Variants in NIFK observed in about 807,000 individuals in gnomAD.
The protein encoded by NIFK is MKI67 FHA domain-interacting nucleolar phosphoprotein.
Under a neutral mutation model 31.7 loss-of-function variants are expected in NIFK, and 16 were observed. The ratio of observed to expected loss-of-function variants is 0.50; its 90% confidence interval spans 0.34 to 0.77. The LOEUF (loss-of-function observed/expected upper bound fraction) is 0.77. NIFK is among the 30% of genes least tolerant of loss of function. The pLI, the probability that NIFK is intolerant of heterozygous loss-of-function variation, is 0.01. For missense variants in NIFK, 341 were observed against 350.4 expected (o/e 0.97, Z 0.21); for synonymous variants, 126 against 123.0 (o/e 1.02, Z -0.16).
intron 3 of NIFK, chr2:121,731,315 G>T: frequency 1.9e-6 from 1 of 523,684 alleles, no homozygotes; most frequent in Non-Finnish European, 3.4e-6. Flanking sequence ...ACGGCCACAT[G>T]CCACCATGGG....
Position 121,732,254 on chromosome 2 carries a change from G to A in NIFK, c.244-50C>T, listed in dbSNP as rs540626669. On this transcript the variant is annotated intron_variant, in intron 2 of 6. Coordinates refer to ENST00000285814, the MANE Select transcript of NIFK (RefSeq NM_032390.5). ...AAGTAGAACAATTAAATTTGAATGC[G>A]TCATCAAATTCCTAAAATGCCATTA... 5.2e-5 allele frequency: 55 copies of A among 1,066,894 alleles called. No individual in the cohort carries two copies. The African/African-American group carries it at 5.3e-4, about 10-fold the overall frequency. The allele number at this position is 1,066,894 out of a possible 1,614,324, so 66.1% of individuals were successfully genotyped here.
In NIFK at chr2:121,727,472, T is replaced by A; in HGVS notation, c.*252A>T. On this transcript the variant is annotated 3_prime_UTR_variant, in exon 7 of 7. Transcript: ENST00000285814. ...GAGTAAACTAAGGAGAGCTATGAAA[T>A]ATCAAAAGAAAACTAGAGGCCAGGA... is the stretch of plus-strand genomic sequence containing the variant. 1.6e-6 allele frequency: 1 copy of A among 641,948 alleles called. No homozygotes were observed. 39.8% of individuals were successfully genotyped at this position (641,948 alleles called of 1,614,324 possible).
intron 5 of NIFK, 40 bp downstream of exon 5, chr2:121,728,437 C>T: frequency 6.7e-7 from 1 of 1,491,460 alleles, no homozygotes; most frequent in East Asian, 2.3e-5. Context: ...ACTTATCCTT[C>T]TCTAATATCT....
In NIFK at chr2:121,736,869, TA is replaced by T. The variant is rs769694575; in HGVS notation, c.-20del. 8 of 1,601,300 alleles carry T rather than the reference TA, an allele frequency of 5.0e-6. No individual in the cohort carries two copies. The Admixed American group carries it at 1.3e-4, about 27-fold the overall frequency. On this transcript the variant is annotated 5_prime_UTR_variant, in exon 1 of 7. Coordinates refer to ENST00000285814, the MANE Select transcript of NIFK (RefSeq NM_032390.5). ...TCGCCATGCCAAAAGCCGCCGACGC[TA>T]ACCACGCGGCGCTCCCGGAAACGTC... is the stretch of plus-strand genomic sequence containing the variant.
intron 4 of NIFK, among the ~76,000 whole-genome samples, chr2:121,729,988 G>T (rs1221761420): frequency 1.3e-5 from 2 of 152,320 alleles, no homozygotes; most frequent in East Asian, 3.9e-4. Flanking sequence ...TGAGGTGGAT[G>T]GATCACCTGA....
intron 3 of NIFK, 127 bp downstream of exon 3, chr2:121,731,969 A>C: frequency 1.6e-6 from 1 of 641,358 alleles, no homozygotes; most frequent in Non-Finnish European, 2.8e-6. Context: ...TCCTTGCACC[A>C]TTCTGTAAGA....
chr2:121,734,615 AC>A (rs2074566517), intron 2 of NIFK, among the ~76,000 whole-genome samples: 1 of 151,976 alleles, frequency 6.6e-6, no homozygotes, highest in Non-Finnish European at 1.5e-5. Flanking sequence ...ACATAGTGAA[AC>A]CCCGTCTCTA....
intron 1 of NIFK, among the ~76,000 whole-genome samples, chr2:121,736,244 A>G (rs1297844398): frequency 1.3e-5 from 2 of 152,244 alleles, no homozygotes; most frequent in African/African-American, 4.8e-5. Context: ...AGAAAGTATA[A>G]GCGATGTCAG....
Position 121,731,036 on chromosome 2 carries a change from G to C in NIFK, c.421C>G (p.Pro141Ala). 2 of 1,612,738 alleles carry C rather than the reference G, an allele frequency of 1.2e-6. No individual in the cohort carries two copies. The highest frequency in any genetic ancestry group is 1.7e-6 in the Non-Finnish European group (2 of 1,178,874). ...TACCGTTTCACTGATGGATATGATG[G>C]CTGCTTAAATGGAATATTCCAGTCT... Reference protein sequence around the residue: ...FKDWNIPFKQPSYPSVKRYNR... With the variant: ...FKDWNIPFKQASYPSVKRYNR... Residue 141 changes from proline (P) to alanine (A), a missense_variant, in exon 4 of 7, where the codon CCA becomes GCA. Pro to Ala is a conservative substitution (Grantham distance 27, BLOSUM62 -1). Coordinates refer to ENST00000285814, the MANE Select transcript of NIFK (RefSeq NM_032390.5).
At chr2:121,730,800 G>T in intron 4 of NIFK, 93 bp downstream of exon 4, 1 of 817,798 alleles carries the variant, frequency 1.2e-6, no homozygotes, top group Non-Finnish European at 2.1e-6. Flanking sequence ...AGTCAAGATT[G>T]TGGTAAGTGC....
intron 2 of NIFK, among the ~76,000 whole-genome samples, chr2:121,735,086 T>C (rs1477905473): frequency 2.6e-5 from 4 of 152,184 alleles, no homozygotes; most frequent in Non-Finnish European, 1.5e-5. Context: ...CAAATAGTAA[T>C]TATACTTATA....
At position 121,736,874 on chromosome 2, in the gene NIFK, A is replaced by C. The variant is rs761186774; in HGVS notation, c.-24T>G. 6.3e-7 allele frequency: 1 copy of C among 1,591,542 alleles called. No homozygotes were observed. On this transcript the variant is annotated 5_prime_UTR_variant, in exon 1 of 7. Transcript: ENST00000285814. Reference sequence around the variant, plus strand: ...ATGCCAAAAGCCGCCGACGCTAACCACGCGGCGCTCCCGGAAACGTCGGGC... The same window carrying C: ...ATGCCAAAAGCCGCCGACGCTAACCCCGCGGCGCTCCCGGAAACGTCGGGC...
rs980666996 is a variant in NIFK at position 121,733,370 on chromosome 2, C to T, written c.244-1166G>A. 6.4e-4 allele frequency among the ~76,000 whole-genome samples: 98 copies of T among 152,076 alleles called. 1 individual carries two copies. The highest frequency in any genetic ancestry group is 6.2e-3 in the Admixed American group (94 of 15,264). ...TCTCTACTAAAAATACAAAAATTAG[C>T]TGGGTGTGGTGGTGCACGCCTATAA... is the stretch of plus-strand genomic sequence containing the variant. On this transcript the variant is annotated intron_variant, in intron 2 of 6. Coordinates refer to ENST00000285814, the MANE Select transcript of NIFK (RefSeq NM_032390.5).
chr2:121,727,610 T>C lies in NIFK; in HGVS notation c.*114A>G, dbSNP rs189357359. On this transcript the variant is annotated 3_prime_UTR_variant, in exon 7 of 7. Transcript: ENST00000285814. ...CTTTCCTTAACTTGACCAAACAGTG[T>C]ATTTTTCCTCTGAAAATCTTGTCAA... 1 of 892,492 alleles carries C rather than the reference T, an allele frequency of 1.1e-6. No homozygotes were observed. The highest frequency in any genetic ancestry group is 1.8e-6 in the Non-Finnish European group (1 of 562,158). The allele number at this position is 892,492 out of a possible 1,614,324, so 55.3% of individuals were successfully genotyped here. A position where few individuals can be genotyped will look rare whatever the true frequency, so the allele number is the denominator to read the frequency against.
chr2:121,727,882 A>T lies in NIFK; in HGVS notation c.724T>A (p.Leu242Met). The T allele has an allele frequency of 6.2e-7, 1 of 1,604,856 alleles. No homozygotes were observed. Among genetic ancestry groups the T allele is most frequent in the Non-Finnish European group, 8.5e-7 (1 of 1,178,284 alleles). ...GPTPVCTPTFLERRKSQVAEL... is the reference protein window; with the variant it reads ...GPTPVCTPTFMERRKSQVAEL... ...GCCACTTGAGATTTTCGCCTCTCCA[A>T]AAATGTTGGTGTACAAACTGGTGTG... is the stretch of plus-strand genomic sequence containing the variant. The change falls in exon 7 of 7, where the codon TTG becomes ATG. Residue 242 changes from leucine to methionine, a missense_variant. Leu to Met is a conservative substitution (Grantham distance 15). Coordinates refer to ENST00000285814, the MANE Select transcript of NIFK (RefSeq NM_032390.5).
chr2:121,735,866 A>T (rs1256916907), intron 1 of NIFK, 116 bp from the exon 2 acceptor site: 11 of 783,154 alleles, frequency 1.4e-5, no homozygotes, highest in Non-Finnish European at 1.6e-5. Flanking sequence ...CACAGTAGTA[A>T]TTAAAGAACT....
chr2:121,728,141 C>G (rs1412471889), intron 6 of NIFK, 147 bp downstream of exon 6: 1 of 700,330 alleles, frequency 1.4e-6, no homozygotes, highest in Non-Finnish European at 2.3e-6. Flanking sequence ...AGGTTTTAGG[C>G]AGAAAATTGC....
At position 121,736,866 on chromosome 2, in the gene NIFK, C is replaced by G. The variant is rs370427045; in HGVS notation, c.-16G>C. On this transcript the variant is annotated 5_prime_UTR_variant, in exon 1 of 7. Transcript: ENST00000285814. ...AAGTCGCCATGCCAAAAGCCGCCGA[C>G]GCTAACCACGCGGCGCTCCCGGAAA... The G allele has an allele frequency of 2.1e-5, 34 of 1,604,004 alleles. No homozygotes were observed. The African/African-American group carries it at 3.6e-4, about 17-fold the overall frequency.
At chr2:121,736,534 GAACAGCGTA>G (rs1376413481) in intron 1 of NIFK, among the ~76,000 whole-genome samples, 4 of 152,190 alleles carry the variant, frequency 2.6e-5, no homozygotes, top group Admixed American at 2.6e-4. Flanking sequence ...ATCATTTACC[GAACAGCGTA>G]AACCCTTTCG....
Sources: gnomAD v4.1 joint callset for allele counts (sites outside exome capture counted in the v4.1 genomes callset) on GRCh38, gnomAD v4.1.1 for gene constraint, MANE v1.5 for transcripts, NCBI Gene and HGNC (gene_info 2026-07-23, HGNC 2026-07-21) for gene names.